The following FSIP2 variants were observed in gnomAD, a reference collection of about 807,000 sequenced individuals.
The protein encoded by FSIP2 is fibrous sheath-interacting protein 2.
Under a neutral mutation model 510.5 loss-of-function variants are expected in FSIP2, and 367 were observed. The observed-to-expected ratio is 0.72, with a 90% CI of 0.66 to 0.78. The LOEUF is 0.78. FSIP2 is among the 30% of genes least tolerant of loss of function. FSIP2 has a pLI of 0.00. For synonymous variants in FSIP2, 2,601 were observed against 2,732.2 expected (o/e 0.95, Z 1.50); for missense variants, 7,594 against 7,901.7 (o/e 0.96, Z 1.48).
At chr2:185,767,411 G>C (rs909286791) in intron 13 of FSIP2, among the ~76,000 whole-genome samples, 2 of 152,040 alleles carry the variant, frequency 1.3e-5, no homozygotes, top group African/African-American at 4.8e-5. Context: ...TCACACTGTT[G>C]TACATTAGAT....
rs1420138136 is a variant in FSIP2 at position 185,800,719 on chromosome 2, C to T, written c.11413C>T (p.Arg3805Cys). Residue 3805 changes from arginine (R) to cysteine (C), a missense_variant, in exon 17 of 23, where the codon CGT (arginine) becomes TGT (cysteine). Transcript: ENST00000424728. Reference protein sequence around the residue: ...QSVEDGKSDYRKGGMDCECLQ... With the variant: ...QSVEDGKSDYCKGGMDCECLQ... Reference sequence around the variant, plus strand: ...TGTAGAAGATGGAAAATCTGATTATCGTAAGGGAGGAATGGACTGTGAATG... The same window carrying T: ...TGTAGAAGATGGAAAATCTGATTATTGTAAGGGAGGAATGGACTGTGAATG... The T allele has an allele frequency of 5.9e-6, 9 of 1,533,052 alleles. No homozygotes were observed. The highest frequency in any genetic ancestry group is 1.7e-4 in the Middle Eastern group (1 of 5,992). The allele number at this position is 1,533,052 out of a possible 1,614,324, so 95.0% of individuals were successfully genotyped here. A position where few individuals can be genotyped will look rare whatever the true frequency, so the allele number is the denominator to read the frequency against.
intron 2 of FSIP2, among the ~76,000 whole-genome samples, chr2:185,739,690 G>C (rs955026929): frequency 4.6e-5 from 7 of 152,052 alleles, no homozygotes; most frequent in African/African-American, 1.7e-4. Flanking sequence ...TAGATTCTTA[G>C]TCCTTAATTA....
rs1273893005 is a variant in FSIP2, at chr2:185,795,710, A to G, written c.8574A>G (p.Leu2858=). 3 of 1,532,854 alleles carry G rather than the reference A, an allele frequency of 2.0e-6. No homozygotes were observed. In the African/African-American group the frequency reaches 4.1e-5, roughly 21 times the overall value. The allele number at this position is 1,532,854 out of a possible 1,614,324, so 95.0% of individuals were successfully genotyped here. A position where few individuals can be genotyped will look rare whatever the true frequency, so the allele number is the denominator to read the frequency against. Residue 2858 remains leucine (L), a synonymous_variant, in exon 16 of 23, where the codon CTA becomes CTG. Transcript: ENST00000424728. The part of the protein sequence containing the change: ...SNDKENEKCK[L]LMIAENVLTE... ...ACAAGGAAAATGAAAAATGTAAGCT[A>G]TTGATGATAGCTGAAAATGTTTTGA... is the stretch of plus-strand genomic sequence containing the variant.
Position 185,792,026 on chromosome 2 carries a change from A to G in FSIP2, c.4890A>G (p.Thr1630=). Reference sequence around the variant, plus strand: ...AAAGCACCAATATTTCCAGAGACACACATGAAGCATCATTTCTGTCTGCTT... The same window carrying G: ...AAAGCACCAATATTTCCAGAGACACGCATGAAGCATCATTTCTGTCTGCTT... ...EYESTNISRD[T]HEASFLSALY... is the part of the protein sequence containing the mutation. Residue 1630 remains threonine, a synonymous_variant, in exon 16 of 23, where the codon ACA becomes ACG. Coordinates refer to ENST00000424728, the MANE Select transcript of FSIP2 (RefSeq NM_173651.4). 1 of 1,534,076 alleles carries G rather than the reference A, an allele frequency of 6.5e-7. No individual in the cohort carries two copies. Among genetic ancestry groups the G allele is most frequent in the Non-Finnish European group, 8.7e-7 (1 of 1,145,424 alleles).
At chr2:185,809,743 A>G (rs1364214678) in intron 17 of FSIP2, among the ~76,000 whole-genome samples, 1 of 151,468 alleles carries the variant, frequency 6.6e-6, no homozygotes, top group East Asian at 2.0e-4. Context: ...CCACTTACAC[A>G]CTTGTTTTTT....
intron 16 of FSIP2, 31 bp downstream of exon 16, chr2:185,797,557 G>C: frequency 6.8e-7 from 1 of 1,468,300 alleles, no homozygotes; most frequent in Non-Finnish European, 8.9e-7. Flanking sequence ...CTAAAAATTT[G>C]CATGATTTAG....
chr2:185,828,457 C>T (rs888234077), intron 21 of FSIP2, among the ~76,000 whole-genome samples: 1 of 151,780 alleles, frequency 6.6e-6, no homozygotes, highest in African/African-American at 2.4e-5. Context: ...CTCGTTCTCC[C>T]TAGCATCTAA....
intron 22 of FSIP2, 45 bp from the exon 23 acceptor site, chr2:185,833,045 G>A: frequency 6.3e-7 from 1 of 1,589,332 alleles, no homozygotes; most frequent in Non-Finnish European, 8.6e-7. Context: ...TTACCTCAGT[G>A]TTCAAAAATA....
Position 185,738,973 on chromosome 2 carries a change from G to A in FSIP2, c.79G>A (p.Asp27Asn), listed in dbSNP as rs1691859676. 4 of 1,533,460 alleles carry A rather than the reference G, an allele frequency of 2.6e-6. No individual in the cohort carries two copies. The highest frequency in any genetic ancestry group is 2.6e-6 in the Non-Finnish European group (3 of 1,146,570). The allele number at this position is 1,533,460 out of a possible 1,614,324, so 95.0% of individuals were successfully genotyped here. A position where few individuals can be genotyped will look rare whatever the true frequency, so the allele number is the denominator to read the frequency against. The change falls in exon 1 of 23, where the codon GAC becomes AAC. Residue 27 changes from aspartate (D) to asparagine (N), a missense_variant. Transcript: ENST00000424728. Reference sequence around the variant, plus strand: ...GACGGTCGCCAGCGTCCTGGCCGCGGACACCCAGCAGTGCAGAGACGTGAG... The same window carrying A: ...GACGGTCGCCAGCGTCCTGGCCGCGAACACCCAGCAGTGCAGAGACGTGAG... ...TKTVASVLAA[D>N]TQQCRDGVHK...
chr2:185,771,002 C>T (rs73045038), intron 13 of FSIP2, among the ~76,000 whole-genome samples: 3,325 of 152,266 alleles, frequency 0.022, 132 homozygotes, highest in African/African-American at 0.075. Flanking sequence ...AATCTCAAAG[C>T]TCCAAAATAA....
Position 185,758,916 on chromosome 2 carries a change from TGTTATACTAGGTTGACTTG to T in FSIP2, c.1079-2066_1079-2048del, listed in dbSNP as rs1247883509. Among the ~76,000 whole-genome samples the T allele has an allele frequency of 6.0e-5, 9 of 151,258 alleles. No individual in the cohort carries two copies. In the Admixed American group the frequency reaches 6.0e-4, roughly 10 times the overall value. On this transcript the variant is annotated intron_variant, in intron 9 of 22. Transcript: ENST00000424728. ...GCGGTTTGAGTTATCCAATGTTAGT[TGTTATACTAGGTTGACTTG>T]GTTATTCTAGAGCCTTTGCATTTCT... is the stretch of plus-strand genomic sequence containing the variant.
At position 185,756,232 on chromosome 2, in the gene FSIP2, GT is replaced by G; in HGVS notation, c.1034del (p.Leu345Ter). 7.4e-7 allele frequency: 1 copy of G among 1,347,426 alleles called. No individual in the cohort carries two copies. Among genetic ancestry groups the G allele is most frequent in the Non-Finnish European group, 1.0e-6 (1 of 994,372 alleles). The allele number at this position is 1,347,426 out of a possible 1,614,324, so 83.5% of individuals were successfully genotyped here. ...AAAAGAAGACTTCTGAAGATATAATGTTAGTTTATCCTGCTGGAGACCAGAA... is the reference window on the plus strand; with the variant it reads ...AAAAGAAGACTTCTGAAGATATAATGTAGTTTATCCTGCTGGAGACCAGAA... ...NKKKTSEDIM[L>X]VYPAGDQNTY... On this transcript the variant is annotated frameshift_variant, in exon 9 of 23. Transcript: ENST00000424728. LOFTEE classifies it high-confidence loss of function.
At chr2:185,826,287 C>A (rs1167537198) in intron 20 of FSIP2, among the ~76,000 whole-genome samples, 1 of 151,714 alleles carries the variant, frequency 6.6e-6, no homozygotes, top group African/African-American at 2.4e-5. Flanking sequence ...TTACAAAACC[C>A]TAAATCATCT....
At chr2:185,818,308 A>T (rs1574205924) in intron 19 of FSIP2, among the ~76,000 whole-genome samples, 1 of 151,962 alleles carries the variant, frequency 6.6e-6, no homozygotes, top group East Asian at 1.9e-4. Flanking sequence ...TTGAAAAAAA[A>T]GTAAGCAATG....
intron 3 of FSIP2, among the ~76,000 whole-genome samples, chr2:185,744,041 G>C (rs1574151315): frequency 6.6e-6 from 1 of 151,690 alleles, no homozygotes; most frequent in Non-Finnish European, 1.5e-5. Flanking sequence ...TGTTGCCCAG[G>C]CTCATCTCAA....
rs559357757 is a variant in FSIP2, at chr2:185,807,874, C to T, written c.18568C>T (p.Leu6190Phe). The T allele has an allele frequency of 1.8e-5, 29 of 1,606,598 alleles. No homozygotes were observed. Among genetic ancestry groups the T allele is most frequent in the East Asian group, 6.7e-5 (3 of 44,606 alleles). ...EEIAVKFLSK[L>F]LSIFPKVHKE... Reference sequence around the variant, plus strand: ...AATTGCTGTGAAATTTTTATCAAAGCTTTTATCTATATTTCCAAAAGTACA... The same window carrying T: ...AATTGCTGTGAAATTTTTATCAAAGTTTTTATCTATATTTCCAAAAGTACA... Residue 6190 changes from leucine (L) to phenylalanine (F), a missense_variant, in exon 17 of 23, where the codon CTT (leucine) becomes TTT (phenylalanine). Leu to Phe is a conservative substitution (Grantham distance 22, BLOSUM62 0). Transcript: ENST00000424728.
chr2:185,786,936 A>G (rs955816025), intron 15 of FSIP2, among the ~76,000 whole-genome samples: 1 of 151,856 alleles, frequency 6.6e-6, no homozygotes, highest in African/African-American at 2.4e-5. Flanking sequence ...AATAGAAAGC[A>G]ATTAAAAACT....
chr2:185,779,193 G>A (rs1195322657), intron 13 of FSIP2, among the ~76,000 whole-genome samples: 2 of 151,786 alleles, frequency 1.3e-5, no homozygotes, highest in South Asian at 2.1e-4. Context: ...ACAAATCTTC[G>A]GAAGTTTTCT....
chr2:185,809,944 T>C (rs946648167), intron 17 of FSIP2, among the ~76,000 whole-genome samples: 3 of 152,096 alleles, frequency 2.0e-5, no homozygotes, highest in Non-Finnish European at 4.4e-5. Flanking sequence ...AACAGATAGG[T>C]TGCACTGATC....
Sources: allele counts gnomAD v4.1 joint callset (sites outside exome capture counted in the v4.1 genomes callset), GRCh38; gene constraint gnomAD v4.1.1; transcripts MANE v1.5; gene names NCBI Gene and HGNC (gene_info 2026-07-23, HGNC 2026-07-21).